Variants in RASAL2 observed in about 807,000 individuals in gnomAD.
RASAL2 encodes the protein RAS protein activator like 2.
A neutral mutation model predicts 128.9 loss-of-function variants in RASAL2; 58 were observed. The observed-to-expected ratio is 0.45, with a 90% confidence interval of 0.36 to 0.56. The LOEUF is 0.56. Ranked by LOEUF, RASAL2 falls within the 20% of genes least tolerant of loss-of-function variation. The probability of loss-of-function intolerance (pLI) is 0.00; values close to 1 mark genes in which losing one functional copy is unlikely to be tolerated. For synonymous variants in RASAL2, 561 were observed against 580.8 expected, an observed-to-expected ratio of 0.97 and a Z score of 0.49; for missense variants, 1,360 against 1,601.6, an observed-to-expected ratio of 0.85 and a Z score of 2.57.
intron 1 of RASAL2, among the ~76,000 whole-genome samples, chr1:178,253,200 T>C (rs902263512): frequency 1.3e-5 from 2 of 152,170 alleles, no homozygotes; most frequent in Non-Finnish European, 2.9e-5. Context: ...CTGTCTCCGG[T>C]GTCACATGGC....
intron 3 of RASAL2, among the ~76,000 whole-genome samples, chr1:178,327,557 A>G (rs1342849): frequency 0.25 from 37,906 of 151,826 alleles, 7,542 homozygotes; most frequent in African/African-American, 0.55. Context: ...TCTCCACATT[A>G]CCCAGGCTAG....
At position 178,473,150 on chromosome 1, in the gene RASAL2, A is replaced by G. The variant is rs1272550834; in HGVS notation, c.3754A>G (p.Ser1252Gly). The change falls in exon 18 of 18, where the codon AGC becomes GGC. Residue 1252 changes from serine to glycine, a missense_variant. Ser to Gly is a moderately conservative substitution (Grantham distance 56). This residue lies in a region of RASAL2 where 741 missense variants were observed against 868.6 expected (regional missense o/e 0.85). Coordinates refer to ENST00000367649, the MANE Select transcript of RASAL2 (RefSeq NM_170692.4). The stretch of plus-strand genomic sequence containing the variant: ...GCTGACCCAAGTGAAGGAGCGGTAC[A>G]GCATGCAGGTCCGCAATGGCATCTC... ...SALTQVKERY[S>G]MQVRNGISPT... 1 of 1,614,218 alleles carries G rather than the reference A, an allele frequency of 6.2e-7. No homozygotes were observed. The highest frequency in any genetic ancestry group is 8.5e-7 in the Non-Finnish European group (1 of 1,180,016).
intron 1 of RASAL2, among the ~76,000 whole-genome samples, chr1:178,146,596 T>C (rs1660738172): frequency 6.6e-6 from 1 of 152,210 alleles, no homozygotes; most frequent in African/African-American, 2.4e-5. Context: ...CTATTATTCT[T>C]AGGTGATTGA....
At chr1:178,205,771 C>T (rs1374340397) in intron 1 of RASAL2, among the ~76,000 whole-genome samples, 2 of 152,032 alleles carry the variant, frequency 1.3e-5, no homozygotes, top group Admixed American at 6.6e-5. Flanking sequence ...AAAAAAAAGA[C>T]TCATGTTCAC....
chr1:178,419,899 T>A (rs190214166), intron 4 of RASAL2, among the ~76,000 whole-genome samples: 1 of 152,238 alleles, frequency 6.6e-6, no homozygotes, highest in Non-Finnish European at 1.5e-5. Context: ...CATTCAATAC[T>A]TAATTTTACA....
intron 3 of RASAL2, among the ~76,000 whole-genome samples, chr1:178,344,536 T>C (rs897789822): frequency 3.3e-5 from 5 of 152,234 alleles, no homozygotes; most frequent in Non-Finnish European, 7.3e-5. Flanking sequence ...GTGTTTGCCC[T>C]TCTGCTCCAG....
intron 9 of RASAL2, among the ~76,000 whole-genome samples, chr1:178,447,150 T>C (rs1572091280): frequency 6.6e-6 from 1 of 152,214 alleles, no homozygotes; most frequent in Non-Finnish European, 1.5e-5. Context: ...GGAATTAACT[T>C]AGCAGACTGA....
intron 1 of RASAL2, among the ~76,000 whole-genome samples, chr1:178,109,010 A>G (rs543544936): frequency 6.6e-6 from 1 of 152,276 alleles, no homozygotes; most frequent in Non-Finnish European, 1.5e-5. Context: ...ATGTCTTTCT[A>G]TGCCTATTAC....
At chr1:178,117,597 A>G (rs760086492) in intron 1 of RASAL2, among the ~76,000 whole-genome samples, 19 of 152,154 alleles carry the variant, frequency 1.2e-4, no homozygotes, top group Non-Finnish European at 2.6e-4. Context: ...TGATTCAGTC[A>G]CAAGGGTGAC....
intron 1 of RASAL2, among the ~76,000 whole-genome samples, chr1:178,208,402 G>C (rs1475962959): frequency 6.6e-6 from 1 of 152,114 alleles, no homozygotes; most frequent in African/African-American, 2.4e-5. Flanking sequence ...GGGAGTGTCT[G>C]TCTTATGCAG....
At chr1:178,309,232 T>C (rs752053984) in intron 3 of RASAL2, among the ~76,000 whole-genome samples, 2 of 152,196 alleles carry the variant, frequency 1.3e-5, no homozygotes, top group Non-Finnish European at 2.9e-5. Context: ...TGGCAGCCAC[T>C]GATTTTCTTT....
At chr1:178,108,674 A>G (rs1659187330) in intron 1 of RASAL2, among the ~76,000 whole-genome samples, 1 of 152,218 alleles carries the variant, frequency 6.6e-6, no homozygotes. Context: ...ACAAATAAAG[A>G]ATGCAAATAG....
At chr1:178,401,234 T>C (rs1486029113) in intron 4 of RASAL2, among the ~76,000 whole-genome samples, 1 of 152,248 alleles carries the variant, frequency 6.6e-6, no homozygotes, top group East Asian at 1.9e-4. Context: ...TCTTATGCCA[T>C]AGTTTCTTCA....
At chr1:178,465,760 G>A (rs944185259) in intron 15 of RASAL2, among the ~76,000 whole-genome samples, 160 bp from the exon 16 acceptor site, 4 of 151,012 alleles carry the variant, frequency 2.6e-5, no homozygotes, top group Non-Finnish European at 5.9e-5. Context: ...GGGAATGACA[G>A]CACAGCCAGC....
chr1:178,338,444 C>CT (rs1361552263), intron 3 of RASAL2, among the ~76,000 whole-genome samples: 1 of 152,144 alleles, frequency 6.6e-6, no homozygotes, highest in African/African-American at 2.4e-5. Context: ...TTCAGAATTT[C>CT]TTAATGGCTA....
At chr1:178,313,385 A>G (rs909843089) in intron 3 of RASAL2, among the ~76,000 whole-genome samples, 30 of 152,198 alleles carry the variant, frequency 2.0e-4, no homozygotes, top group Admixed American at 3.3e-4. Context: ...AAGAGAGGTA[A>G]AAGTGGTTGC....
At chr1:178,331,723 A>G (rs1669323122) in intron 3 of RASAL2, among the ~76,000 whole-genome samples, 1 of 150,866 alleles carries the variant, frequency 6.6e-6, no homozygotes, top group African/African-American at 2.4e-5. Context: ...AATAGCTAGG[A>G]TTATGGGCGC....
intron 5 of RASAL2, among the ~76,000 whole-genome samples, chr1:178,428,251 T>C (rs1675654191): frequency 6.6e-6 from 1 of 152,080 alleles, no homozygotes; most frequent in African/African-American, 2.4e-5. Context: ...AACAGTTAGA[T>C]ACAGGTTTTT....
chr1:178,275,864 C>T (rs1210811791), intron 1 of RASAL2, among the ~76,000 whole-genome samples: 1 of 152,148 alleles, frequency 6.6e-6, no homozygotes, highest in Non-Finnish European at 1.5e-5. Flanking sequence ...CACCAGTGAT[C>T]AAGTAGGTCG....
Sources: allele counts gnomAD v4.1 joint callset (sites outside exome capture counted in the v4.1 genomes callset), GRCh38; gene constraint gnomAD v4.1.1; regional missense constraint gnomAD v4.1.1; transcripts MANE v1.5; gene names NCBI Gene and HGNC (gene_info 2026-07-23, HGNC 2026-07-21).